The following PRKCA variants were observed in gnomAD, a reference collection of about 807,000 sequenced individuals.
PRKCA encodes the protein protein kinase C alpha type.
PRKCA carries 27 observed loss-of-function variants against 87.0 expected under a neutral mutation model. That is an observed-to-expected ratio of 0.31 (90% CI 0.23 to 0.43). The LOEUF (loss-of-function observed/expected upper bound fraction) is 0.43, where lower values mean the gene tolerates loss of function less well. Among genes scored for constraint, PRKCA ranks in the 20% least tolerant of loss-of-function variants. The pLI is 1.00. For synonymous variants in PRKCA, 329 were observed against 311.1 expected, an observed-to-expected ratio of 1.06 and a Z score of -0.61; for missense variants, 518 against 852.3, an observed-to-expected ratio of 0.61 and a Z score of 4.88.
intron 2 of PRKCA, among the ~76,000 whole-genome samples, chr17:66,327,396 T>A (rs904688493): frequency 2.2e-5 from 3 of 135,048 alleles, no homozygotes; most frequent in Non-Finnish European, 3.2e-5. Flanking sequence ...AATTGCTGGG[T>A]GTGGTGGTGT....
chr17:66,646,412 A>G (rs1271878607), intron 5 of PRKCA, among the ~76,000 whole-genome samples: 1 of 151,860 alleles, frequency 6.6e-6, no homozygotes, highest in African/African-American at 2.4e-5. Flanking sequence ...GACCCACTCC[A>G]TGTTGGTGTA....
chr17:66,558,786 C>T (rs1332323858), intron 3 of PRKCA, among the ~76,000 whole-genome samples: 1 of 152,130 alleles, frequency 6.6e-6, no homozygotes, highest in Non-Finnish European at 1.5e-5. Context: ...ATGATACCCG[C>T]AGCTGGGGTG....
intron 5 of PRKCA, among the ~76,000 whole-genome samples, chr17:66,656,711 G>A (rs921659472): frequency 6.6e-6 from 1 of 152,146 alleles, no homozygotes; most frequent in African/African-American, 2.4e-5. Flanking sequence ...TTGTTTCCCG[G>A]TTCTCCATCA....
chr17:66,779,848 A>G (rs1975161058), intron 14 of PRKCA, among the ~76,000 whole-genome samples: 1 of 152,232 alleles, frequency 6.6e-6, no homozygotes, highest in Admixed American at 6.5e-5. Context: ...GTAGAAATTA[A>G]AAACCATGGG....
chr17:66,514,984 G>A (rs1180415785), intron 3 of PRKCA, among the ~76,000 whole-genome samples: 2 of 152,026 alleles, frequency 1.3e-5, no homozygotes, highest in Non-Finnish European at 2.9e-5. Flanking sequence ...GGCCGGGTGC[G>A]GTGGCTCACA....
At chr17:66,695,389 T>G (rs1485543783) in intron 8 of PRKCA, among the ~76,000 whole-genome samples, 3 of 152,244 alleles carry the variant, frequency 2.0e-5, no homozygotes, top group Non-Finnish European at 4.4e-5. Context: ...TAATTTGCAT[T>G]TTGATGGCTT....
chr17:66,424,568 AAC>A (rs141074503), intron 2 of PRKCA, among the ~76,000 whole-genome samples: 13,339 of 141,998 alleles, frequency 0.094, 812 homozygotes, highest in African/African-American at 0.17. Flanking sequence ...CCCTGTCTCA[AAC>A]ACACACACAC....
chr17:66,422,537 A>G (rs966939896), intron 2 of PRKCA, among the ~76,000 whole-genome samples: 2 of 152,196 alleles, frequency 1.3e-5, no homozygotes, highest in African/African-American at 4.8e-5. Flanking sequence ...AAAATGTTCT[A>G]AAGGCCCAGA....
At chr17:66,757,505 G>A (rs2144283557) in intron 13 of PRKCA, among the ~76,000 whole-genome samples, 1 of 151,670 alleles carries the variant, frequency 6.6e-6, no homozygotes, top group South Asian at 2.1e-4. Flanking sequence ...GCCCAGAGCG[G>A]GGAAAGCAAC....
At chr17:66,494,841 GC>G in intron 2 of PRKCA, among the ~76,000 whole-genome samples, 1 of 152,040 alleles carries the variant, frequency 6.6e-6, no homozygotes, top group East Asian at 1.9e-4. Flanking sequence ...GTAGCTCAAC[GC>G]CTACAATCCC....
In PRKCA at chr17:66,688,443, A is replaced by C; in HGVS notation, c.821+7A>C. 1.9e-6 allele frequency: 3 copies of C among 1,614,084 alleles called. No homozygotes were observed. The highest frequency in any genetic ancestry group is 2.5e-6 in the Non-Finnish European group (3 of 1,179,998). On this transcript the variant is annotated splice_region_variant and intron_variant, in intron 7 of 16. Transcript: ENST00000413366. Reference sequence around the variant, plus strand: ...AGATGCCGGCCAGTGGATGGTATGGAAGCCGCTTAGGTTGAGTATGTCTCA... The same window carrying C: ...AGATGCCGGCCAGTGGATGGTATGGCAGCCGCTTAGGTTGAGTATGTCTCA...
At chr17:66,764,880 G>T (rs1974763078) in intron 13 of PRKCA, among the ~76,000 whole-genome samples, 1 of 152,176 alleles carries the variant, frequency 6.6e-6, no homozygotes, top group African/African-American at 2.4e-5. Flanking sequence ...TCCCCATAGG[G>T]GACAGACAAG....
intron 3 of PRKCA, among the ~76,000 whole-genome samples, chr17:66,569,484 G>A (rs911718942): frequency 2.0e-5 from 3 of 152,134 alleles, no homozygotes; most frequent in Non-Finnish European, 2.9e-5. Flanking sequence ...CAGGAGAATC[G>A]CTTGAACCCA....
chr17:66,607,739 G>A (rs536448729), intron 3 of PRKCA, among the ~76,000 whole-genome samples: 6 of 151,980 alleles, frequency 3.9e-5, no homozygotes, highest in East Asian at 2.0e-4. Flanking sequence ...GTGGGGGGCC[G>A]GGGGCTCATG....
At chr17:66,316,078 A>G (rs1346783383) in intron 2 of PRKCA, among the ~76,000 whole-genome samples, 1 of 152,126 alleles carries the variant, frequency 6.6e-6, no homozygotes, top group Non-Finnish European at 1.5e-5. Context: ...ATTTCCTTTG[A>G]TTAGGAAAAT....
In PRKCA at chr17:66,673,163, C is replaced by T. The variant is rs542247744; in HGVS notation, c.530-13948C>T. On this transcript the variant is annotated intron_variant, in intron 5 of 16. Transcript: ENST00000413366. Reference sequence around the variant, plus strand: ...GAACTTTAATGTAAAATTTTATGTCCCACTAATTGTAAAAGGGAAAGTAAT... The same window carrying T: ...GAACTTTAATGTAAAATTTTATGTCTCACTAATTGTAAAAGGGAAAGTAAT... 2.6e-5 allele frequency among the ~76,000 whole-genome samples: 4 copies of T among 152,144 alleles called. 1 individual carries two copies. In the South Asian group the frequency reaches 8.3e-4, roughly 32 times the overall value.
chr17:66,758,320 C>T (rs374939822), intron 13 of PRKCA, among the ~76,000 whole-genome samples: 11 of 152,194 alleles, frequency 7.2e-5, no homozygotes, highest in African/African-American at 1.9e-4. Context: ...AGAGTGGTTA[C>T]TTCACACACC....
intron 5 of PRKCA, among the ~76,000 whole-genome samples, chr17:66,669,933 A>T (rs978711078): frequency 2.0e-5 from 3 of 152,246 alleles, no homozygotes; most frequent in African/African-American, 7.2e-5. Context: ...ACTTTTAATT[A>T]CAAAGAAAGA....
chr17:66,504,102 G>A (rs572913037), intron 3 of PRKCA, among the ~76,000 whole-genome samples: 1 of 152,262 alleles, frequency 6.6e-6, no homozygotes, highest in Non-Finnish European at 1.5e-5. Flanking sequence ...TATAAATATG[G>A]AGGTTGAATT....
Sources: allele counts gnomAD v4.1 joint callset (sites outside exome capture counted in the v4.1 genomes callset), GRCh38; gene constraint gnomAD v4.1.1; transcripts MANE v1.5; gene names NCBI Gene and HGNC (gene_info 2026-07-23, HGNC 2026-07-21).